The following CDH20 variants were observed in gnomAD, a reference collection of about 807,000 sequenced individuals.
The protein encoded by CDH20 is cadherin-20.
CDH20 carries 29 observed loss-of-function variants against 74.2 expected under a neutral mutation model. The ratio of observed to expected loss-of-function variants is 0.39; its 90% confidence interval spans 0.29 to 0.53. The LOEUF (loss-of-function observed/expected upper bound fraction) is 0.53, where lower values mean the gene tolerates loss of function less well. Among genes scored for constraint, CDH20 ranks in the 20% least tolerant of loss-of-function variants. The pLI is 0.69. For missense variants in CDH20, 988 were observed against 1,048.3 expected (o/e 0.94, Z 0.79); for synonymous variants, 469 against 405.4 (o/e 1.16, Z -1.88).
At chr18:61,508,267 G>T (rs1165711841) in intron 6 of CDH20, among the ~76,000 whole-genome samples, 1 of 152,136 alleles carries the variant, frequency 6.6e-6, no homozygotes, top group African/African-American at 2.4e-5. Context: ...CCACCTATGT[G>T]CCAGATATTG....
chr18:61,534,185 G>A (rs1912745747), intron 7 of CDH20, among the ~76,000 whole-genome samples: 1 of 152,186 alleles, frequency 6.6e-6, no homozygotes, highest in African/African-American at 2.4e-5. Context: ...ACCACAATGA[G>A]ATATCACCTC....
intron 1 of CDH20, among the ~76,000 whole-genome samples, chr18:61,363,647 C>T (rs745578077): frequency 6.6e-6 from 1 of 152,096 alleles, no homozygotes. Context: ...TAAAGTGATG[C>T]TTGTGTTCTG....
At chr18:61,348,396 C>T (rs990596551) in intron 1 of CDH20, among the ~76,000 whole-genome samples, 1 of 152,186 alleles carries the variant, frequency 6.6e-6, no homozygotes, top group Non-Finnish European at 1.5e-5. Context: ...TACACTTGTG[C>T]ACCATGTTTT....
At chr18:61,457,358 G>A (rs539046588) in intron 1 of CDH20, among the ~76,000 whole-genome samples, 3 of 152,074 alleles carry the variant, frequency 2.0e-5, no homozygotes, top group Non-Finnish European at 4.4e-5. Context: ...CAAAGTGCTT[G>A]TTGTACTATC....
intron 1 of CDH20, among the ~76,000 whole-genome samples, chr18:61,478,628 A>G (rs758771082): frequency 2.6e-5 from 4 of 152,186 alleles, no homozygotes; most frequent in Non-Finnish European, 5.9e-5. Flanking sequence ...TTAACTATTC[A>G]GTGCATGAGG....
intron 1 of CDH20, among the ~76,000 whole-genome samples, chr18:61,343,520 A>G (rs368727414): frequency 2.6e-5 from 4 of 152,142 alleles, no homozygotes; most frequent in East Asian, 3.9e-4. Context: ...TTAGATACCC[A>G]GTGTTTCCAG....
intron 1 of CDH20, among the ~76,000 whole-genome samples, chr18:61,456,979 C>T (rs1245051862): frequency 6.6e-6 from 1 of 152,116 alleles, no homozygotes; most frequent in Non-Finnish European, 1.5e-5. Flanking sequence ...CCCAAAGGCC[C>T]CACCTTCTAG....
At chr18:61,386,277 G>T (rs1308756804) in intron 1 of CDH20, among the ~76,000 whole-genome samples, 3 of 152,214 alleles carry the variant, frequency 2.0e-5, no homozygotes, top group African/African-American at 7.2e-5. Flanking sequence ...GCCTTTGGCA[G>T]TTGACTTAGC....
chr18:61,397,770 G>A (rs150974132), intron 1 of CDH20, among the ~76,000 whole-genome samples: 5 of 152,194 alleles, frequency 3.3e-5, no homozygotes, highest in Non-Finnish European at 7.4e-5. Flanking sequence ...CAACCTCTGT[G>A]ACTTAGTTTC....
chr18:61,395,757 A>G (rs544039732), intron 1 of CDH20, among the ~76,000 whole-genome samples: 1 of 152,322 alleles, frequency 6.6e-6, no homozygotes, highest in East Asian at 1.9e-4. Flanking sequence ...GACCTTGGCC[A>G]GGCGCGGTGG....
intron 2 of CDH20, among the ~76,000 whole-genome samples, chr18:61,495,944 G>T (rs1911123276): frequency 1.3e-5 from 2 of 151,862 alleles, no homozygotes; most frequent in African/African-American, 4.8e-5. Context: ...GATGCTTCCT[G>T]CTTCCCTGGG....
At chr18:61,518,114 C>G (rs955914081) in intron 6 of CDH20, among the ~76,000 whole-genome samples, 2 of 152,136 alleles carry the variant, frequency 1.3e-5, no homozygotes, top group Non-Finnish European at 2.9e-5. Context: ...AAGGCAGCAG[C>G]CCCAGTCAGG....
rs1555683339 is a variant in CDH20, at chr18:61,527,366, A to AATAGATAGATAGATAGATAGATG, written c.1018-579_1018-578insGATAGATAGATAGATAGATAGAT. On this transcript the variant is annotated intron_variant, in intron 6 of 11. Coordinates refer to ENST00000262717, the MANE Select transcript of CDH20 (RefSeq NM_031891.4). ...TAGGCCTCAGTTGCATGAATATTCT[A>AATAGATAGATAGATAGATAGATG]ATAGATAGATAGATAGATAGATAGA... is the stretch of plus-strand genomic sequence containing the variant. Among the ~76,000 whole-genome samples the AATAGATAGATAGATAGATAGATG allele has an allele frequency of 5.0e-3, 711 of 142,146 alleles. 3 individuals carry two copies. Among genetic ancestry groups the AATAGATAGATAGATAGATAGATG allele is most frequent in the Middle Eastern group, 0.011 (3 of 280 alleles). 93.3% of individuals were successfully genotyped at this position (142,146 alleles called of 152,430 possible).
chr18:61,507,201 T>A (rs1044402072), intron 5 of CDH20, among the ~76,000 whole-genome samples, 172 bp from the exon 6 acceptor site: 2 of 152,224 alleles, frequency 1.3e-5, no homozygotes, highest in African/African-American at 4.8e-5. Context: ...ATGGCCTGTA[T>A]GACCGTTTGC....
At chr18:61,407,602 T>C (rs1461493768) in intron 1 of CDH20, among the ~76,000 whole-genome samples, 1 of 152,194 alleles carries the variant, frequency 6.6e-6, no homozygotes, top group East Asian at 1.9e-4. Flanking sequence ...GTTTGTAACA[T>C]GATCAAATTT....
intron 10 of CDH20, among the ~76,000 whole-genome samples, chr18:61,546,675 G>A (rs1316881287): frequency 6.6e-6 from 1 of 152,186 alleles, no homozygotes; most frequent in Non-Finnish European, 1.5e-5. Context: ...ACAAAATGCA[G>A]CAAAATGCTG....
At chr18:61,389,326 G>A (rs1911698011) in intron 1 of CDH20, among the ~76,000 whole-genome samples, 1 of 152,130 alleles carries the variant, frequency 6.6e-6, no homozygotes, top group Non-Finnish European at 1.5e-5. Flanking sequence ...ACTACAAACT[G>A]GCAAGGCAGA....
intron 1 of CDH20, among the ~76,000 whole-genome samples, chr18:61,432,102 G>A (rs567324910): frequency 1.3e-5 from 2 of 152,020 alleles, no homozygotes; most frequent in African/African-American, 4.8e-5. Flanking sequence ...AAAAAAATTA[G>A]CTGGGCATGG....
At chr18:61,443,157 G>A (rs968092392) in intron 1 of CDH20, among the ~76,000 whole-genome samples, 6 of 152,240 alleles carry the variant, frequency 3.9e-5, no homozygotes, top group East Asian at 3.9e-4. Context: ...TCCCAGGGCT[G>A]AGCAACAATT....
Sources: gnomAD v4.1 joint callset for allele counts (sites outside exome capture counted in the v4.1 genomes callset) on GRCh38, gnomAD v4.1.1 for gene constraint, MANE v1.5 for transcripts, NCBI Gene and HGNC (gene_info 2026-07-23, HGNC 2026-07-21) for gene names.